Variants in CTNNA2 observed in about 807,000 individuals in gnomAD.
The protein encoded by CTNNA2 is catenin alpha 2, also known as catenin alpha-2.
CTNNA2 carries 42 observed loss-of-function variants against 101.0 expected under a neutral mutation model. The observed-to-expected ratio is 0.42, with a 90% confidence interval of 0.32 to 0.54. The LOEUF is 0.54. Ranked by LOEUF, CTNNA2 falls within the 20% of genes least tolerant of loss-of-function variation. The pLI is 0.14. For missense variants in CTNNA2, 871 were observed against 1,223.1 expected (o/e 0.71, Z 4.29); for synonymous variants, 450 against 456.4 (o/e 0.99, Z 0.18).
At chr2:79,764,286 C>T (rs1445814596) in intron 3 of CTNNA2, among the ~76,000 whole-genome samples, 1 of 152,132 alleles carries the variant, frequency 6.6e-6, no homozygotes, top group African/African-American at 2.4e-5. Flanking sequence ...TTAAAGATAA[C>T]TCAATAATTT....
At chr2:80,093,153 G>A (rs1048367192) in intron 7 of CTNNA2, among the ~76,000 whole-genome samples, 1 of 151,506 alleles carries the variant, frequency 6.6e-6, no homozygotes, top group Non-Finnish European at 1.5e-5. Flanking sequence ...TATCCCCCCT[G>A]CTCCCCCAAC....
At chr2:80,127,264 CAATA>C (rs1188952073) in intron 7 of CTNNA2, among the ~76,000 whole-genome samples, 1 of 152,040 alleles carries the variant, frequency 6.6e-6, no homozygotes, top group Non-Finnish European at 1.5e-5. Flanking sequence ...GACCTGCAAA[CAATA>C]GATTGTTAAA....
At chr2:79,519,804 C>T (rs1299592313) in intron 1 of CTNNA2, among the ~76,000 whole-genome samples, 3 of 152,156 alleles carry the variant, frequency 2.0e-5, no homozygotes, top group African/African-American at 4.8e-5. Context: ...TCCATCCTTC[C>T]CTCTCTTTCA....
intron 9 of CTNNA2, among the ~76,000 whole-genome samples, chr2:80,451,312 A>T (rs1391415391): frequency 6.6e-6 from 1 of 151,982 alleles, no homozygotes; most frequent in African/African-American, 2.4e-5. Flanking sequence ...ATGAGATCTG[A>T]TGGTTTTATA....
intron 9 of CTNNA2, among the ~76,000 whole-genome samples, chr2:80,433,818 C>G (rs529748673): frequency 4.6e-5 from 7 of 152,280 alleles, no homozygotes; most frequent in African/African-American, 1.7e-4. Flanking sequence ...TAGTGCCTTG[C>G]TACAAATATA....
rs185554261 is a variant in CTNNA2 at position 79,910,180 on chromosome 2, T to A, written c.1056+383T>A. On this transcript the variant is annotated intron_variant, in intron 7 of 18. Coordinates refer to ENST00000402739, the MANE Select transcript of CTNNA2 (RefSeq NM_001282597.3). ...CAAAGAGCACTTTTAAACCTAAGGA[T>A]AGCTGTAGATGCGAATCTTCACCCC... Among the ~76,000 whole-genome samples the A allele has an allele frequency of 4.3e-4, 65 of 152,302 alleles. No homozygotes were observed. In the East Asian group the frequency reaches 0.012, roughly 28 times the overall value.
intron 4 of CTNNA2, among the ~76,000 whole-genome samples, chr2:79,415,244 C>T (rs1370624430): frequency 6.6e-6 from 1 of 152,128 alleles, no homozygotes; most frequent in African/African-American, 2.4e-5. Context: ...GGCACCTCCA[C>T]CACTCCGTCT....
At chr2:79,355,234 T>C (rs575652208) in intron 3 of CTNNA2, among the ~76,000 whole-genome samples, 40 of 152,296 alleles carry the variant, frequency 2.6e-4, no homozygotes, top group African/African-American at 8.2e-4. Context: ...TCCATATGAA[T>C]GTTAAGCTTG....
chr2:80,038,441 C>T (rs146800971), intron 7 of CTNNA2, among the ~76,000 whole-genome samples: 4 of 152,220 alleles, frequency 2.6e-5, no homozygotes, highest in African/African-American at 9.6e-5. Context: ...AAATGTGAGG[C>T]CGGGCGCGGT....
intron 7 of CTNNA2, among the ~76,000 whole-genome samples, chr2:80,391,347 T>G (rs1677496343): frequency 6.6e-6 from 1 of 152,044 alleles, no homozygotes; most frequent in Admixed American, 6.6e-5. Context: ...AAGCCCAGAG[T>G]CTGGCATTTA....
intron 7 of CTNNA2, among the ~76,000 whole-genome samples, chr2:80,380,666 A>T (rs999924906): frequency 5.3e-5 from 8 of 152,224 alleles, no homozygotes; most frequent in African/African-American, 1.7e-4. Flanking sequence ...CCTTCCCTAC[A>T]GCTGGCCTGC....
chr2:79,584,550 G>A (rs1252202292), intron 1 of CTNNA2, among the ~76,000 whole-genome samples: 1 of 148,264 alleles, frequency 6.7e-6, no homozygotes, highest in East Asian at 2.0e-4. Flanking sequence ...TTTTGACGGA[G>A]TCTTGCTCTT....
chr2:80,592,731 TCACATTTGGTATTAA>T (rs1696618512), intron 15 of CTNNA2, among the ~76,000 whole-genome samples: 1 of 151,108 alleles, frequency 6.6e-6, no homozygotes, highest in Non-Finnish European at 1.5e-5. Context: ...CATTGGAGAG[TCACATTTGGTATTAA>T]CATGTTAGAG....
intron 11 of CTNNA2, among the ~76,000 whole-genome samples, chr2:80,550,407 T>C (rs565224409): frequency 6.6e-6 from 1 of 152,278 alleles, no homozygotes; most frequent in South Asian, 2.1e-4. Flanking sequence ...TGAAGTAAGA[T>C]AACAATGAAG....
intron 2 of CTNNA2, among the ~76,000 whole-genome samples, chr2:79,679,959 A>C (rs1683445122): frequency 6.6e-6 from 1 of 152,102 alleles, no homozygotes; most frequent in South Asian, 2.1e-4. Flanking sequence ...AAATGTTACA[A>C]CTTGGGGATT....
intron 2 of CTNNA2, among the ~76,000 whole-genome samples, chr2:79,230,094 C>G (rs1674470093): frequency 6.6e-6 from 1 of 152,126 alleles, no homozygotes; most frequent in East Asian, 1.9e-4. Flanking sequence ...ATGAAAATCC[C>G]TTTTTCTAAG....
intron 6 of CTNNA2, among the ~76,000 whole-genome samples, chr2:79,902,265 G>A (rs1685115500): frequency 6.6e-6 from 1 of 152,104 alleles, no homozygotes; most frequent in South Asian, 2.1e-4. Flanking sequence ...GAGCATAGAC[G>A]CCAGAGCTAG....
At chr2:80,305,190 C>T in intron 7 of CTNNA2, 4 of 985,276 alleles carry the variant, frequency 4.1e-6, no homozygotes, top group Non-Finnish European at 4.8e-6. Context: ...GGGTTTTTTC[C>T]CCCTCTTGCG....
At chr2:79,530,543 A>C (rs1041795468) in intron 1 of CTNNA2, among the ~76,000 whole-genome samples, 4 of 151,996 alleles carry the variant, frequency 2.6e-5, no homozygotes, top group African/African-American at 9.7e-5. Context: ...AAGAGTTTCC[A>C]AGTTTCCATT....
Sources: allele counts gnomAD v4.1 joint callset (sites outside exome capture counted in the v4.1 genomes callset), GRCh38; gene constraint gnomAD v4.1.1; transcripts MANE v1.5; gene names NCBI Gene and HGNC (gene_info 2026-07-23, HGNC 2026-07-21).